KIAA0513: variants seen among roughly 807,000 people sequenced by gnomAD.
The protein encoded by KIAA0513 is uncharacterized protein KIAA0513.
Under a neutral mutation model 56.5 loss-of-function variants are expected in KIAA0513, and 39 were observed. The observed-to-expected ratio is 0.69, with a 90% confidence interval of 0.53 to 0.90. The LOEUF (loss-of-function observed/expected upper bound fraction) is 0.90, where lower values mean the gene tolerates loss of function less well. Ranked by LOEUF, KIAA0513 falls within the 40% of genes least tolerant of loss-of-function variation. KIAA0513 has a pLI of 0.00. For synonymous variants in KIAA0513, 268 were observed against 215.6 expected (o/e 1.24, Z -2.13); for missense variants, 591 against 535.2 (o/e 1.10, Z -1.03).
At chr16:85,073,449 A>G (rs2073609169) in intron 4 of KIAA0513, among the ~76,000 whole-genome samples, 1 of 152,188 alleles carries the variant, frequency 6.6e-6, no homozygotes, top group African/African-American at 2.4e-5. Flanking sequence ...GGGGCCTTTT[A>G]TCACAGGAAG....
chr16:85,049,575 T>G (rs979441910), intron 1 of KIAA0513, among the ~76,000 whole-genome samples: 1 of 152,130 alleles, frequency 6.6e-6, no homozygotes, highest in African/African-American at 2.4e-5. Flanking sequence ...ATCTGGTTGT[T>G]TAAAAGCGTG....
rs956052743 is a variant in KIAA0513 at position 85,091,004 on chromosome 16, C to T, written c.*2679C>T. On this transcript the variant is annotated 3_prime_UTR_variant, in exon 13 of 13. Coordinates refer to ENST00000683363, the MANE Select transcript of KIAA0513 (RefSeq NM_001388359.1). ...GGGAGGTGTCACACCAGGGGCACAC[C>T]CAGGGCCACCTGGGTGTAGGAGAGC... The T allele has an allele frequency of 6.6e-6, 1 of 152,256 alleles. No homozygotes were observed. Among genetic ancestry groups the T allele is most frequent in the Admixed American group, 6.5e-5 (1 of 15,282 alleles). 9.4% of individuals were successfully genotyped at this position (152,256 alleles called of 1,614,324 possible).
chr16:85,071,424 G>A (rs1440085192), intron 2 of KIAA0513, among the ~76,000 whole-genome samples: 1 of 152,220 alleles, frequency 6.6e-6, no homozygotes. Context: ...TCAGAGAGCT[G>A]GAGAACCAAG....
At chr16:85,068,168 T>A (rs2073517185) in intron 2 of KIAA0513, among the ~76,000 whole-genome samples, 1 of 151,368 alleles carries the variant, frequency 6.6e-6, no homozygotes, top group Non-Finnish European at 1.5e-5. Flanking sequence ...CATTCTTTTT[T>A]TTTTTTGAGA....
chr16:85,071,338 G>C (rs978942180), intron 2 of KIAA0513, among the ~76,000 whole-genome samples: 10 of 152,240 alleles, frequency 6.6e-5, no homozygotes, highest in African/African-American at 2.4e-4. Flanking sequence ...AGTATGCTGA[G>C]ACAGAGCAAA....
At chr16:85,075,282 C>A (rs1371599041) in intron 4 of KIAA0513, among the ~76,000 whole-genome samples, 1 of 151,970 alleles carries the variant, frequency 6.6e-6, no homozygotes, top group East Asian at 1.9e-4. Context: ...GGTTAAAACC[C>A]AAACAGGAAA....
intron 2 of KIAA0513, 79 bp from the exon 3 acceptor site, chr16:85,071,701 TCTC>T: frequency 1.7e-6 from 2 of 1,150,850 alleles, no homozygotes; most frequent in Non-Finnish European, 2.5e-6. Flanking sequence ...GTTAGTTCCT[TCTC>T]CTTGCTCTTC....
chr16:85,059,643 G>A (rs2073376325), intron 1 of KIAA0513, among the ~76,000 whole-genome samples: 1 of 152,210 alleles, frequency 6.6e-6, no homozygotes, highest in Admixed American at 6.5e-5. Flanking sequence ...TCAGTGGTGT[G>A]AAGTTGTTCT....
chr16:85,090,202 C>T lies in KIAA0513; in HGVS notation c.*1877C>T, dbSNP rs1172259904. The T allele has an allele frequency of 6.6e-6, 1 of 152,202 alleles. No homozygotes were observed. Among genetic ancestry groups the T allele is most frequent in the Middle Eastern group, 3.2e-3 (1 of 316 alleles). The allele number at this position is 152,202 out of a possible 1,614,324, so 9.4% of individuals were successfully genotyped here. Reference sequence around the variant, plus strand: ...TGATGCCAACTGCAGATAATACACACCTCCTGCAGCGTCCAGCCACGGCTC... The same window carrying T: ...TGATGCCAACTGCAGATAATACACATCTCCTGCAGCGTCCAGCCACGGCTC... On this transcript the variant is annotated 3_prime_UTR_variant, in exon 13 of 13. Coordinates refer to ENST00000683363, the MANE Select transcript of KIAA0513 (RefSeq NM_001388359.1).
chr16:85,041,711 C>G (rs901165309), intron 1 of KIAA0513, among the ~76,000 whole-genome samples: 1 of 152,120 alleles, frequency 6.6e-6, no homozygotes, highest in Non-Finnish European at 1.5e-5. Flanking sequence ...AATTCCCGGA[C>G]TTGGCACTGA....
chr16:85,030,070 T>G (rs2072941721), intron 1 of KIAA0513, among the ~76,000 whole-genome samples: 1 of 152,142 alleles, frequency 6.6e-6, no homozygotes, highest in South Asian at 2.1e-4. Context: ...CCCCAGAGGC[T>G]TGCAAAACAT....
chr16:85,078,760 G>A, intron 7 of KIAA0513, 165 bp from the exon 8 acceptor site: 1 of 234,452 alleles, frequency 4.3e-6, no homozygotes, highest in Non-Finnish European at 7.0e-6. Flanking sequence ...GGTGGGAATA[G>A]CACCGTTACT....
In KIAA0513 at chr16:85,093,071, C is replaced by G. The variant is rs2073886429; in HGVS notation, c.*4746C>G. The G allele has an allele frequency of 6.6e-6, 1 of 152,366 alleles. No individual in the cohort carries two copies. Among genetic ancestry groups the G allele is most frequent in the African/African-American group, 2.4e-5 (1 of 41,424 alleles). 9.4% of individuals were successfully genotyped at this position (152,366 alleles called of 1,614,324 possible). On this transcript the variant is annotated 3_prime_UTR_variant, in exon 13 of 13. Coordinates refer to ENST00000683363, the MANE Select transcript of KIAA0513 (RefSeq NM_001388359.1). ...GAATCAATCCTGTGACCGATGGGCT[C>G]GCAAGGATGGGTGCCGCCGTGGGAG...
intron 1 of KIAA0513, among the ~76,000 whole-genome samples, chr16:85,032,336 T>C (rs577677295): frequency 2.0e-5 from 3 of 152,338 alleles, no homozygotes; most frequent in South Asian, 4.1e-4. Flanking sequence ...CACTACTCCA[T>C]TGTGACCTTC....
intron 1 of KIAA0513, among the ~76,000 whole-genome samples, chr16:85,038,718 AAAAAATAATAATAAT>A (rs2073067118): frequency 1.3e-5 from 2 of 150,192 alleles, no homozygotes; most frequent in African/African-American, 5.0e-5. Context: ...AAAAAAAAAA[AAAAAATAATAATAAT>A]AATATCTTTG....
At chr16:85,072,029 C>T (rs1037366875) in intron 3 of KIAA0513, 147 bp downstream of exon 3, 6 of 614,632 alleles carry the variant, frequency 9.8e-6, no homozygotes, top group Non-Finnish European at 1.7e-5. Context: ...AAAACTTATC[C>T]AAAAATACTC....
At chr16:85,085,112 A>G (rs1413594036) in intron 10 of KIAA0513, among the ~76,000 whole-genome samples, 2 of 152,222 alleles carry the variant, frequency 1.3e-5, no homozygotes, top group Non-Finnish European at 2.9e-5. Context: ...AGCTGTGCAC[A>G]GCAGGCCTGC....
At chr16:85,062,173 C>G (rs80087650) in intron 1 of KIAA0513, among the ~76,000 whole-genome samples, 1,674 of 151,692 alleles carry the variant, frequency 0.011, 37 homozygotes, top group African/African-American at 0.039. Context: ...ATTCTATTAA[C>G]TCTATCTTCC....
At chr16:85,077,753 C>A in intron 6 of KIAA0513, 121 bp downstream of exon 6, 1 of 727,778 alleles carries the variant, frequency 1.4e-6, no homozygotes, top group Non-Finnish European at 2.3e-6. Context: ...GAACACTGCG[C>A]TGCCCAGCCA....
Sources: allele counts gnomAD v4.1 joint callset (sites outside exome capture counted in the v4.1 genomes callset), GRCh38; gene constraint gnomAD v4.1.1; transcripts MANE v1.5; gene names NCBI Gene and HGNC (gene_info 2026-07-23, HGNC 2026-07-21).